PCDH9: variants seen among roughly 807,000 people sequenced by gnomAD.
The protein encoded by PCDH9 is protocadherin-9.
PCDH9 carries 24 observed loss-of-function variants against 70.6 expected under a neutral mutation model. The observed-to-expected ratio is 0.34, with a 90% confidence interval of 0.25 to 0.48. The LOEUF (loss-of-function observed/expected upper bound fraction) is 0.48, where lower values mean the gene tolerates loss of function less well. Ranked by LOEUF, PCDH9 falls within the 20% of genes least tolerant of loss-of-function variation. PCDH9 has a pLI of 0.99. For synonymous variants in PCDH9, 562 were observed against 558.5 expected (o/e 1.01, Z -0.09); for missense variants, 1,281 against 1,503.6 (o/e 0.85, Z 2.45).
chr13:66,465,266 C>T (rs1236692601), intron 4 of PCDH9, among the ~76,000 whole-genome samples: 4 of 151,730 alleles, frequency 2.6e-5, no homozygotes, highest in African/African-American at 9.7e-5. Flanking sequence ...GAAATATTTT[C>T]TAGAGGACTA....
chr13:66,773,410 C>T (rs2079840207), intron 3 of PCDH9, among the ~76,000 whole-genome samples: 8 of 151,812 alleles, frequency 5.3e-5, no homozygotes, highest in Admixed American at 3.9e-4. Context: ...GGGTGGATCG[C>T]GAGGTCAGGA....
At chr13:66,544,657 G>T (rs185577198) in intron 4 of PCDH9, among the ~76,000 whole-genome samples, 231 of 152,202 alleles carry the variant, frequency 1.5e-3, no homozygotes, top group Non-Finnish European at 2.6e-3. Flanking sequence ...TTAAGGAGTG[G>T]TTTAATGTAA....
At position 66,730,976 on chromosome 13, in the gene PCDH9, G is replaced by A. The variant is rs1410932222; in HGVS notation, c.3139-99565C>T. On this transcript the variant is annotated intron_variant, in intron 3 of 4. Transcript: ENST00000377865. Reference sequence around the variant, plus strand: ...TGGCTTTAAGCTATCTTCCTGCCTCGGCCTCCCAAAACACTGGGATAACAG... The same window carrying A: ...TGGCTTTAAGCTATCTTCCTGCCTCAGCCTCCCAAAACACTGGGATAACAG... Among the ~76,000 whole-genome samples, 7 of 144,520 alleles carry A rather than the reference G, an allele frequency of 4.8e-5. No individual in the cohort carries two copies. In the East Asian group the frequency reaches 1.3e-3, roughly 26 times the overall value. The allele number at this position is 144,520 out of a possible 152,430, so 94.8% of individuals were successfully genotyped here. A position where few individuals can be genotyped will look rare whatever the true frequency, so the allele number is the denominator to read the frequency against.
At chr13:66,457,679 G>A (rs1273742297) in intron 4 of PCDH9, among the ~76,000 whole-genome samples, 1 of 151,900 alleles carries the variant, frequency 6.6e-6, no homozygotes, top group African/African-American at 2.4e-5. Flanking sequence ...AAGATCCCCA[G>A]GCGATTGCAA....
At chr13:66,922,238 A>G (rs2082648280) in intron 2 of PCDH9, among the ~76,000 whole-genome samples, 1 of 151,386 alleles carries the variant, frequency 6.6e-6, no homozygotes, top group Non-Finnish European at 1.5e-5. Flanking sequence ...AAAATTATTA[A>G]TATTTTATAA....
chr13:66,420,314 G>T (rs757356968), intron 4 of PCDH9, among the ~76,000 whole-genome samples: 47 of 152,164 alleles, frequency 3.1e-4, no homozygotes, highest in Non-Finnish European at 7.3e-5. Context: ...CACAGCACTC[G>T]AGCTCTGCTA....
chr13:67,142,520 C>T (rs565708152), intron 2 of PCDH9, among the ~76,000 whole-genome samples: 77 of 152,250 alleles, frequency 5.1e-4, no homozygotes, highest in African/African-American at 1.7e-3. Context: ...CTACTCTCCT[C>T]CTGGTAATTA....
At chr13:66,574,205 G>A (rs1593707046) in intron 4 of PCDH9, among the ~76,000 whole-genome samples, 1 of 152,144 alleles carries the variant, frequency 6.6e-6, no homozygotes, top group African/African-American at 2.4e-5. Flanking sequence ...ATTTGAATCC[G>A]ATATTAATGA....
chr13:66,581,963 C>A (rs1169589775), intron 4 of PCDH9, among the ~76,000 whole-genome samples: 1 of 152,096 alleles, frequency 6.6e-6, no homozygotes, highest in African/African-American at 2.4e-5. Flanking sequence ...TTTCTCTTCA[C>A]GTCTTTGTCC....
At chr13:66,771,023 C>T (rs1328726984) in intron 3 of PCDH9, among the ~76,000 whole-genome samples, 1 of 152,150 alleles carries the variant, frequency 6.6e-6, no homozygotes, top group African/African-American at 2.4e-5. Context: ...TCCAGTATGG[C>T]TATTATGTTC....
At chr13:66,853,039 ATACTC>A (rs2081339341) in intron 3 of PCDH9, among the ~76,000 whole-genome samples, 1 of 152,016 alleles carries the variant, frequency 6.6e-6, no homozygotes, top group Non-Finnish European at 1.5e-5. Flanking sequence ...ACAGCACTAA[ATACTC>A]TAATTATTGA....
chr13:67,097,485 G>GA (rs775256335), intron 2 of PCDH9, among the ~76,000 whole-genome samples: 105 of 151,616 alleles, frequency 6.9e-4, no homozygotes, highest in Non-Finnish European at 1.2e-3. Context: ...TTTTCACTAG[G>GA]AAAAAAAATA....
chr13:66,617,668 A>G (rs1422674356), intron 4 of PCDH9, among the ~76,000 whole-genome samples: 4 of 152,074 alleles, frequency 2.6e-5, no homozygotes. Context: ...AAACTGGTAA[A>G]AGGCCTCGGA....
intron 3 of PCDH9, among the ~76,000 whole-genome samples, chr13:66,799,502 A>G (rs971254505): frequency 6.6e-5 from 10 of 152,144 alleles, no homozygotes; most frequent in Admixed American, 6.6e-4. Flanking sequence ...TGTCCAATAA[A>G]CTTGTGTTCC....
intron 4 of PCDH9, among the ~76,000 whole-genome samples, chr13:66,430,275 A>G (rs1957748339): frequency 6.6e-6 from 1 of 152,094 alleles, no homozygotes; most frequent in African/African-American, 2.4e-5. Context: ...CATGCAACAC[A>G]TTGAATTTTA....
chr13:66,674,737 C>A (rs1254419483), intron 3 of PCDH9, among the ~76,000 whole-genome samples: 1 of 151,940 alleles, frequency 6.6e-6, no homozygotes, highest in Admixed American at 6.6e-5. Flanking sequence ...AAATGCATGT[C>A]TTTAATGTAA....
At position 67,227,443 on chromosome 13, in the gene PCDH9, C is replaced by A; in HGVS notation, c.998G>T (p.Ser333Ile). 6.2e-7 allele frequency: 1 copy of A among 1,613,998 alleles called. No individual in the cohort carries two copies. Reference protein sequence around the residue: ...TAIHKVTVLASDGSSTPARAT... With the variant: ...TAIHKVTVLAIDGSSTPARAT... ...TCGAGCAGGAGTGGAGCTGCCGTCA[C>A]TAGCCAGCACTGTCACTTTGTGAAT... Residue 333 changes from serine to isoleucine, a missense_variant, in exon 2 of 5, where the codon AGT becomes ATT. Coordinates refer to ENST00000377865, the MANE Select transcript of PCDH9 (RefSeq NM_203487.3). The surrounding 1 kb of genome is among the most constrained non-coding windows in gnomAD (Gnocchi z 4.6).
intron 3 of PCDH9, among the ~76,000 whole-genome samples, chr13:66,651,140 C>G (rs899395259): frequency 6.6e-6 from 1 of 151,028 alleles, no homozygotes; most frequent in Non-Finnish European, 1.5e-5. Context: ...AAAAGAAAGA[C>G]CAAAGTGAAC....
At chr13:67,179,460 C>T (rs560592716) in intron 2 of PCDH9, among the ~76,000 whole-genome samples, 1 of 152,204 alleles carries the variant, frequency 6.6e-6, no homozygotes, top group African/African-American at 2.4e-5. Context: ...ATATTCCGTA[C>T]ACAACTGCTC....
Sources: gnomAD v4.1 joint callset for allele counts (sites outside exome capture counted in the v4.1 genomes callset) on GRCh38, gnomAD v4.1.1 for gene constraint, Gnocchi (gnomAD v3.1) non-coding constraint, MANE v1.5 for transcripts, NCBI Gene and HGNC (gene_info 2026-07-23, HGNC 2026-07-21) for gene names.